IL1RAPL2: variants seen among roughly 807,000 people sequenced by gnomAD.
The protein encoded by IL1RAPL2 is X-linked interleukin-1 receptor accessory protein-like 2.
In IL1RAPL2, 3 loss-of-function variants were observed where a neutral mutation model predicts 44.1. That is an observed-to-expected ratio of 0.07 (90% CI 0.03 to 0.18). The LOEUF (loss-of-function observed/expected upper bound fraction) is 0.18, where lower values mean the gene tolerates loss of function less well. Among genes scored for constraint, IL1RAPL2 ranks in the 10% least tolerant of loss-of-function variants. The pLI, the probability that IL1RAPL2 is intolerant of heterozygous loss-of-function variation, is 1.00. For missense variants in IL1RAPL2, 391 were observed against 496.4 expected (o/e 0.79, Z 2.02); for synonymous variants, 181 against 178.8 (o/e 1.01, Z -0.10).
chrX:104,833,196 G>A (rs1602748942), intron 2 of IL1RAPL2, among the ~76,000 whole-genome samples: 1 of 110,993 alleles, frequency 9.0e-6, no homozygotes, highest in South Asian at 3.8e-4. Flanking sequence ...CTGGAGTGCA[G>A]TGATGTGATC....
At chrX:105,121,471 A>G (rs753681876) in intron 2 of IL1RAPL2, among the ~76,000 whole-genome samples, 2 of 111,764 alleles carry the variant, frequency 1.8e-5, no homozygotes, top group East Asian at 5.7e-4. Flanking sequence ...TACTACTGCC[A>G]TTTTAACAGG....
At chrX:104,973,346 A>G (rs1305836665) in intron 2 of IL1RAPL2, among the ~76,000 whole-genome samples, 1 of 112,135 alleles carries the variant, frequency 8.9e-6, no homozygotes, top group Non-Finnish European at 1.9e-5. Context: ...ATCAGCACTT[A>G]AAAACCTTTT....
chrX:104,987,405 G>T (rs1351410553), intron 2 of IL1RAPL2, among the ~76,000 whole-genome samples: 1 of 101,826 alleles, frequency 9.8e-6, no homozygotes, highest in African/African-American at 3.7e-5. Flanking sequence ...AGGCTTTGAG[G>T]TAGTTTATAA....
rs1465693192 is a variant in IL1RAPL2, at chrX:105,670,119, ATATATATATATATATATATATATATAT to A, written c.773-47247_773-47221del. Among the ~76,000 whole-genome samples, 118 of 39,717 alleles carry A rather than the reference ATATATATATATATATATATATATATAT, an allele frequency of 3.0e-3. 7 individuals are homozygous for A. Among genetic ancestry groups the A allele is most frequent in the Middle Eastern group, 0.025 (2 of 81 alleles). 34.5% of individuals were successfully genotyped at this position (39,717 alleles called of 115,157 possible). The stretch of plus-strand genomic sequence containing the variant: ...CTGGGTTTCCTGTATATATATATAT[ATATATATATATATATATATATATATAT>A]ATCTCCACCAGACCACACAGTCTTG... On this transcript the variant is annotated intron_variant, in intron 6 of 10. Coordinates refer to ENST00000372582, the MANE Select transcript of IL1RAPL2 (RefSeq NM_017416.2).
intron 2 of IL1RAPL2, among the ~76,000 whole-genome samples, chrX:105,146,420 A>C (rs1270389398): frequency 9.0e-6 from 1 of 111,459 alleles, no homozygotes; most frequent in East Asian, 2.8e-4. Flanking sequence ...TTTCAGCCCT[A>C]CTCATTCCTT....
chrX:105,528,330 T>C (rs1309307199), intron 6 of IL1RAPL2, among the ~76,000 whole-genome samples: 1 of 111,359 alleles, frequency 9.0e-6, no homozygotes, highest in Non-Finnish European at 1.9e-5. Flanking sequence ...TCAAATAAAA[T>C]GACAAGTTAA....
chrX:105,454,908 C>T (rs5962528), intron 5 of IL1RAPL2, among the ~76,000 whole-genome samples: 23,092 of 99,864 alleles, frequency 0.23, 6,706 homozygotes, highest in African/African-American at 0.78. Flanking sequence ...GTCTTAAAAA[C>T]TGCCCACAGC....
chrX:104,641,866 T>C lies in IL1RAPL2; in HGVS notation c.-19-17029T>C, dbSNP rs1327489922. On this transcript the variant is annotated intron_variant, in intron 1 of 10. Coordinates refer to ENST00000372582, the MANE Select transcript of IL1RAPL2 (RefSeq NM_017416.2). ...CTGTTGGGCTCCAGGACTGTGTTCA[T>C]TCTGCCAAAAACTATGCTTGAAAAT... is the stretch of plus-strand genomic sequence containing the variant. Among the ~76,000 whole-genome samples the C allele has an allele frequency of 4.5e-5, 5 of 111,638 alleles. No individual in the cohort carries two copies. The Admixed American group carries it at 4.7e-4, about 11-fold the overall frequency.
At chrX:104,788,940 C>A (rs1932812405) in intron 2 of IL1RAPL2, among the ~76,000 whole-genome samples, 1 of 111,598 alleles carries the variant, frequency 9.0e-6, no homozygotes, top group African/African-American at 3.3e-5. Context: ...ATCCCCTCCT[C>A]TGTTAAACTG....
rs1316988733 is a variant in IL1RAPL2, at chrX:104,585,266, A to G, written c.-20+18215A>G. 4.2e-4 allele frequency among the ~76,000 whole-genome samples: 8 copies of G among 19,074 alleles called. No individual in the cohort carries two copies. The Admixed American group carries it at 4.8e-3, about 11-fold the overall frequency. 16.6% of individuals were successfully genotyped at this position (19,074 alleles called of 115,157 possible). A position where few individuals can be genotyped will look rare whatever the true frequency, so the allele number is the denominator to read the frequency against. Reference sequence around the variant, plus strand: ...ATATATGATATATAATATATATATAATATATTATATATATTATATAATATA... The same window carrying G: ...ATATATGATATATAATATATATATAGTATATTATATATATTATATAATATA... On this transcript the variant is annotated intron_variant, in intron 1 of 10. Transcript: ENST00000372582.
intron 6 of IL1RAPL2, among the ~76,000 whole-genome samples, chrX:105,571,334 C>A (rs765870641): frequency 1.8e-5 from 2 of 111,729 alleles, no homozygotes; most frequent in African/African-American, 6.5e-5. Context: ...AAGCTAGGTC[C>A]TTTTTATATT....
chrX:105,024,722 A>C (rs2147748219), intron 2 of IL1RAPL2, among the ~76,000 whole-genome samples: 1 of 111,598 alleles, frequency 9.0e-6, no homozygotes, highest in South Asian at 3.7e-4. Flanking sequence ...TAACTTCCTT[A>C]TAAGGTATAG....
At chrX:105,594,707 G>C (rs989066867) in intron 6 of IL1RAPL2, among the ~76,000 whole-genome samples, 14 of 111,901 alleles carry the variant, frequency 1.3e-4, no homozygotes, top group Non-Finnish European at 2.6e-4. Context: ...TTGGATAAAG[G>C]AAATCCATGA....
chrX:105,135,775 C>T (rs932242828), intron 2 of IL1RAPL2, among the ~76,000 whole-genome samples: 17 of 111,782 alleles, frequency 1.5e-4, no homozygotes, highest in African/African-American at 4.6e-4. Flanking sequence ...TTATAGTCTT[C>T]CACAAGGAGA....
intron 6 of IL1RAPL2, among the ~76,000 whole-genome samples, chrX:105,598,725 T>C (rs1345393801): frequency 1.8e-5 from 2 of 111,691 alleles, no homozygotes; most frequent in Non-Finnish European, 3.8e-5. Context: ...GCAAAAGACC[T>C]ACCTGCAATG....
intron 2 of IL1RAPL2, among the ~76,000 whole-genome samples, chrX:104,814,251 C>T (rs760804376): frequency 5.6e-4 from 63 of 111,723 alleles, no homozygotes; most frequent in African/African-American, 1.9e-3. Flanking sequence ...ACCTGGATAC[C>T]TATTTAAGAA....
chrX:105,288,840 T>C (rs975233964), intron 5 of IL1RAPL2, among the ~76,000 whole-genome samples: 16 of 111,023 alleles, frequency 1.4e-4, no homozygotes, highest in Admixed American at 5.8e-4. Context: ...AAAGCCACTT[T>C]CTTTTATTTC....
intron 2 of IL1RAPL2, among the ~76,000 whole-genome samples, chrX:104,824,293 A>G (rs1921391815): frequency 8.9e-6 from 1 of 111,828 alleles, no homozygotes; most frequent in South Asian, 3.7e-4. Context: ...GTTTGCCAGT[A>G]TTTTACTGAG....
intron 5 of IL1RAPL2, among the ~76,000 whole-genome samples, chrX:105,450,536 G>A (rs975428158): frequency 1.8e-5 from 2 of 111,432 alleles, no homozygotes; most frequent in Non-Finnish European, 3.8e-5. Flanking sequence ...AATAAATTTA[G>A]ACTTTGCTTG....
Sources: allele counts gnomAD v4.1 joint callset (sites outside exome capture counted in the v4.1 genomes callset), GRCh38; gene constraint gnomAD v4.1.1; transcripts MANE v1.5; gene names NCBI Gene and HGNC (gene_info 2026-07-23, HGNC 2026-07-21).